Variants in POC1B observed in about 807,000 individuals in gnomAD.
POC1B encodes POC1 centriolar protein homolog B.
In POC1B, 44 loss-of-function variants were observed where a neutral mutation model predicts 60.6. That is an observed-to-expected ratio of 0.73 (90% CI 0.57 to 0.93). The LOEUF is 0.93. Among genes scored for constraint, POC1B ranks in the 40% least tolerant of loss-of-function variants. POC1B has a pLI of 0.00. For synonymous variants in POC1B, 180 were observed against 198.9 expected (o/e 0.90, Z 0.80); for missense variants, 555 against 572.3 (o/e 0.97, Z 0.31).
intron 2 of POC1B, among the ~76,000 whole-genome samples, chr12:89,510,075 C>T (rs1249944753): frequency 6.6e-6 from 1 of 152,180 alleles, no homozygotes. Context: ...TCTCGAACTC[C>T]TGGCCTCAAG....
intron 4 of POC1B, among the ~76,000 whole-genome samples, chr12:89,481,320 C>T (rs1868361261): frequency 6.6e-6 from 1 of 152,174 alleles, no homozygotes; most frequent in Non-Finnish European, 1.5e-5. Context: ...GACTTACTTC[C>T]CTACCATAAA....
At chr12:89,455,935 A>G (rs1244053903) in intron 10 of POC1B, among the ~76,000 whole-genome samples, 3 of 152,092 alleles carry the variant, frequency 2.0e-5, no homozygotes, top group Admixed American at 2.0e-4. Context: ...GAATTTTCCT[A>G]AAGATAAAAA....
At chr12:89,482,451 T>C (rs1868400316) in intron 4 of POC1B, among the ~76,000 whole-genome samples, 1 of 152,042 alleles carries the variant, frequency 6.6e-6, no homozygotes, top group Non-Finnish European at 1.5e-5. Flanking sequence ...ACAAATATGA[T>C]GAAAAAATAT....
chr12:89,500,618 T>C (rs2135746672), intron 2 of POC1B: 6 of 1,592,456 alleles, frequency 3.8e-6, no homozygotes, highest in East Asian at 2.2e-5. Context: ...TGTTATTCCA[T>C]CTAGTGCCCA....
rs186921858 is a variant in POC1B, at chr12:89,443,102, G to A, written c.1113+16536C>T. Among the ~76,000 whole-genome samples, 31 of 152,274 alleles carry A rather than the reference G, an allele frequency of 2.0e-4. No homozygotes were observed. The East Asian group carries it at 5.4e-3, about 27-fold the overall frequency. On this transcript the variant is annotated intron_variant, in intron 10 of 11. Coordinates refer to ENST00000313546, the MANE Select transcript of POC1B (RefSeq NM_172240.3). ...ATGCAGGAGCACCCAGATTCATAAA[G>A]CAAGTCCTTAGAGACTTACAAAGAG...
At position 89,491,939 on chromosome 12, in the gene POC1B, G is replaced by A. The variant is rs766712497; in HGVS notation, c.449C>T (p.Ala150Val). The stretch of plus-strand genomic sequence containing the variant: ...ATATGAAATTTTTTGCACTTACTTG[G>A]CACAGCGTACCCAGTGTGTATGTCG... ...LYRHTHWVRC[A>V]KFSPDGRLIV... The change falls in exon 4 of 12, where the codon GCC becomes GTC. Residue 150 changes from alanine to valine, a missense_variant. Ala to Val is a moderately conservative substitution (Grantham distance 64). Coordinates refer to ENST00000313546, the MANE Select transcript of POC1B (RefSeq NM_172240.3). 1 of 1,501,334 alleles carries A rather than the reference G, an allele frequency of 6.7e-7. No individual in the cohort carries two copies. Among genetic ancestry groups the A allele is most frequent in the South Asian group, 1.4e-5 (1 of 73,780 alleles). The allele number at this position is 1,501,334 out of a possible 1,614,324, so 93.0% of individuals were successfully genotyped here.
chr12:89,482,789 G>A (rs905267038), intron 4 of POC1B, among the ~76,000 whole-genome samples: 3 of 152,114 alleles, frequency 2.0e-5, no homozygotes, highest in Non-Finnish European at 2.9e-5. Flanking sequence ...GGTGTCTAAG[G>A]AGGGCCTGTG....
intron 2 of POC1B, among the ~76,000 whole-genome samples, chr12:89,506,900 A>G (rs989886651): frequency 6.6e-6 from 1 of 152,184 alleles, no homozygotes; most frequent in African/African-American, 2.4e-5. Context: ...TTGAAGATAT[A>G]TACTTAAAAT....
At chr12:89,504,293 C>CTATG (rs1196914680) in intron 2 of POC1B, among the ~76,000 whole-genome samples, 1 of 152,218 alleles carries the variant, frequency 6.6e-6, no homozygotes, top group Non-Finnish European at 1.5e-5. Flanking sequence ...TGCTGTTGAT[C>CTATG]TATGACCTTG....
chr12:89,486,886 T>C (rs993665255), intron 4 of POC1B, among the ~76,000 whole-genome samples: 2 of 147,440 alleles, frequency 1.4e-5, no homozygotes, highest in Non-Finnish European at 3.0e-5. Flanking sequence ...AACTCTCTCT[T>C]TCTCTCTCTC....
intron 4 of POC1B, among the ~76,000 whole-genome samples, chr12:89,482,137 T>A (rs1391354125): frequency 6.6e-6 from 1 of 152,172 alleles, no homozygotes; most frequent in African/African-American, 2.4e-5. Context: ...AAACAATTAT[T>A]ATAAATATGT....
intron 4 of POC1B, among the ~76,000 whole-genome samples, chr12:89,487,723 C>T (rs1477766602): frequency 1.3e-5 from 2 of 152,144 alleles, no homozygotes; most frequent in East Asian, 1.9e-4. Context: ...GTGCTTTGCT[C>T]CTCCTGGCTC....
chr12:89,438,646 C>T (rs12303240), intron 10 of POC1B, among the ~76,000 whole-genome samples: 76,931 of 152,098 alleles, frequency 0.51, 19,663 homozygotes, highest in East Asian at 0.57. Flanking sequence ...CCTACTAGTC[C>T]TTCTCTGCCT....
At chr12:89,466,296 A>C (rs1243343435) in intron 9 of POC1B, among the ~76,000 whole-genome samples, 1 of 152,256 alleles carries the variant, frequency 6.6e-6, no homozygotes, top group Non-Finnish European at 1.5e-5. Context: ...CTATATATGC[A>C]AAATATATTC....
the POC1B span, among the ~76,000 whole-genome samples, chr12:89,403,174 A>G: frequency 2.0e-5 from 3 of 150,942 alleles, no homozygotes; most frequent in Admixed American, 6.6e-5. Context: ...CACCCAGCTA[A>G]TTTTTGTATT....
chr12:89,503,438 G>C (rs897455831), intron 2 of POC1B, among the ~76,000 whole-genome samples: 1 of 152,246 alleles, frequency 6.6e-6, no homozygotes, highest in African/African-American at 2.4e-5. Context: ...CGAGGCTGGA[G>C]TGCAGTGGCA....
chr12:89,433,572 T>C (rs991110822), intron 10 of POC1B, among the ~76,000 whole-genome samples: 1 of 152,090 alleles, frequency 6.6e-6, no homozygotes, highest in Non-Finnish European at 1.5e-5. Context: ...GACCACAGAA[T>C]GTAAGTTGGG....
chr12:89,524,847 C>G (rs1871282778), intron 2 of POC1B: 2 of 618,934 alleles, frequency 3.2e-6, no homozygotes, highest in South Asian at 2.0e-5. Context: ...CCTCCCCTTC[C>G]CACTCACTCC....
chr12:89,473,339 A>G (rs1882976571), intron 4 of POC1B, among the ~76,000 whole-genome samples: 1 of 152,230 alleles, frequency 6.6e-6, no homozygotes, highest in Admixed American at 6.5e-5. Flanking sequence ...ATTCACACAG[A>G]AAAAAGGCAC....
Sources: allele counts gnomAD v4.1 joint callset (sites outside exome capture counted in the v4.1 genomes callset), GRCh38; gene constraint gnomAD v4.1.1; transcripts MANE v1.5; gene names NCBI Gene and HGNC (gene_info 2026-07-23, HGNC 2026-07-21).